Variants in RNF220 observed in about 807,000 individuals in gnomAD.
The protein encoded by RNF220 is E3 ubiquitin-protein ligase RNF220.
In RNF220, 7 loss-of-function variants were observed where a neutral mutation model predicts 67.1. The observed-to-expected ratio is 0.10, with a 90% CI of 0.06 to 0.20. The LOEUF (loss-of-function observed/expected upper bound fraction) is 0.20, where lower values mean the gene tolerates loss of function less well. RNF220 is among the 10% of genes least tolerant of loss of function. The probability of loss-of-function intolerance (pLI) is 1.00; values close to 1 mark genes in which losing one functional copy is unlikely to be tolerated. For missense variants in RNF220, 565 were observed against 740.3 expected (o/e 0.76, Z 2.75); for synonymous variants, 270 against 283.2 (o/e 0.95, Z 0.47).
chr1:44,536,524 G>A (rs1572807705), intron 2 of RNF220, among the ~76,000 whole-genome samples: 1 of 152,310 alleles, frequency 6.6e-6, no homozygotes, highest in South Asian at 2.1e-4. Context: ...TGTCCCCAGG[G>A]CCCTGGAACA....
At chr1:44,473,451 G>A (rs1187548428) in intron 2 of RNF220, among the ~76,000 whole-genome samples, 1 of 136,674 alleles carries the variant, frequency 7.3e-6, no homozygotes, top group Non-Finnish European at 1.5e-5. Flanking sequence ...AGTGTAGAAA[G>A]GTGGAACTTT....
chr1:44,535,478 C>T (rs1310885825), intron 2 of RNF220, among the ~76,000 whole-genome samples: 1 of 152,158 alleles, frequency 6.6e-6, no homozygotes, highest in African/African-American at 2.4e-5. Context: ...AGAACTCCCA[C>T]TGATGTTCCT....
intron 2 of RNF220, among the ~76,000 whole-genome samples, chr1:44,562,846 C>G (rs1204998831): frequency 6.6e-6 from 1 of 152,234 alleles, no homozygotes; most frequent in Non-Finnish European, 1.5e-5. Context: ...GAAGTGTCCT[C>G]TTCCATCCCC....
rs540354562 is a variant in RNF220 at position 44,557,246 on chromosome 1, C to T, written c.626-56919C>T. Among the ~76,000 whole-genome samples the T allele has an allele frequency of 9.4e-5, 14 of 148,394 alleles. No individual in the cohort carries two copies. The South Asian group carries it at 2.3e-3, about 25-fold the overall frequency. ...ATAGAAACTGTTTGTGTTGGCTGGG[C>T]GAGGTGACTCACACCTGTAATCCCA... On this transcript the variant is annotated intron_variant, in intron 2 of 14. Coordinates refer to ENST00000361799, the MANE Select transcript of RNF220 (RefSeq NM_018150.4).
intron 2 of RNF220, among the ~76,000 whole-genome samples, chr1:44,463,056 G>C (rs1653934963): frequency 6.6e-6 from 1 of 151,986 alleles, no homozygotes; most frequent in South Asian, 2.1e-4. Flanking sequence ...TACAAGAAAG[G>C]CCGGGCGCAG....
In RNF220 at chr1:44,579,988, C is replaced by T. The variant is rs1378096846; in HGVS notation, c.626-34177C>T. Among the ~76,000 whole-genome samples, 8 of 123,820 alleles carry T rather than the reference C, an allele frequency of 6.5e-5. No homozygotes were observed. In the East Asian group the frequency reaches 2.2e-3, roughly 34 times the overall value. 81.2% of individuals were successfully genotyped at this position (123,820 alleles called of 152,430 possible). ...GAGGTTGCAGTGAGCCATGTCATGC[C>T]ACTGCACTCCAGCCAGGGCAACAGA... On this transcript the variant is annotated intron_variant, in intron 2 of 14. Transcript: ENST00000361799.
intron 2 of RNF220, among the ~76,000 whole-genome samples, chr1:44,486,703 G>A (rs1227073404): frequency 6.6e-6 from 1 of 152,170 alleles, no homozygotes; most frequent in Non-Finnish European, 1.5e-5. Flanking sequence ...AGCCCACTTG[G>A]GAAGCCATGG....
At chr1:44,570,672 C>T (rs1046313769) in intron 2 of RNF220, among the ~76,000 whole-genome samples, 5 of 152,190 alleles carry the variant, frequency 3.3e-5, no homozygotes, top group African/African-American at 9.7e-5. Context: ...ACGCTCATGT[C>T]GCGATGCAGG....
intron 2 of RNF220, among the ~76,000 whole-genome samples, chr1:44,591,579 T>C (rs1666116659): frequency 6.6e-6 from 1 of 152,148 alleles, no homozygotes; most frequent in African/African-American, 2.4e-5. Flanking sequence ...CTTATTAGGG[T>C]GTGGTTAGAG....
chr1:44,498,054 C>A (rs1384295709), intron 2 of RNF220, among the ~76,000 whole-genome samples: 1 of 152,142 alleles, frequency 6.6e-6, no homozygotes, highest in Admixed American at 6.5e-5. Flanking sequence ...GGCCTGGCCC[C>A]GACCGAGCTC....
In RNF220 at chr1:44,527,369, AAAGG is replaced by A. The variant is rs111376771; in HGVS notation, c.626-86779_626-86776del. On this transcript the variant is annotated intron_variant, in intron 2 of 14. Transcript: ENST00000361799. ...GTCCTCTTTCACCAAAGGAAGGAGG[AAAGG>A]AAGGAAGGAAGGAAGGGAGGGAGGG... 6.8e-3 allele frequency among the ~76,000 whole-genome samples: 1,034 copies of A among 152,056 alleles called. 16 individuals carry two copies. Among genetic ancestry groups the A allele is most frequent in the African/African-American group, 0.023 (949 of 41,474 alleles).
chr1:44,432,822 T>G (rs1323859997), intron 2 of RNF220, among the ~76,000 whole-genome samples: 1 of 152,140 alleles, frequency 6.6e-6, no homozygotes, highest in East Asian at 1.9e-4. Context: ...ACAGAAATAT[T>G]TTGTTGGTAT....
At position 44,649,821 on chromosome 1, in the gene RNF220, G is replaced by A. The variant is rs1419864129; in HGVS notation, c.1554+52G>A. 1 of 1,613,068 alleles carries A rather than the reference G, an allele frequency of 6.2e-7. No individual in the cohort carries two copies. The highest frequency in any genetic ancestry group is 8.5e-7 in the Non-Finnish European group (1 of 1,179,116). Reference sequence around the variant, plus strand: ...CCTTGGTCAGGCTTCCACGCCCTCTGGGGGAGTTGGAGAGGGTGGGCCTAC... The same window carrying A: ...CCTTGGTCAGGCTTCCACGCCCTCTAGGGGAGTTGGAGAGGGTGGGCCTAC... On this transcript the variant is annotated intron_variant, in intron 13 of 14. Coordinates refer to ENST00000361799, the MANE Select transcript of RNF220 (RefSeq NM_018150.4). The surrounding 1 kb of genome is among the most constrained non-coding windows in gnomAD (Gnocchi z 5.9).
chr1:44,607,925 C>CT (rs56995665), intron 2 of RNF220, among the ~76,000 whole-genome samples: 113 of 141,860 alleles, frequency 8.0e-4, no homozygotes, highest in Middle Eastern at 7.1e-3. Flanking sequence ...GTTCTGTGTA[C>CT]TTTTTTTTTT....
At chr1:44,430,283 A>T (rs1650223279) in intron 2 of RNF220, among the ~76,000 whole-genome samples, 2 of 152,176 alleles carry the variant, frequency 1.3e-5, no homozygotes, top group Admixed American at 6.5e-5. Flanking sequence ...TTCTATAATT[A>T]AAAAATTTAG....
intron 3 of RNF220, among the ~76,000 whole-genome samples, chr1:44,618,270 CAT>C (rs1643644397): frequency 6.6e-6 from 1 of 152,192 alleles, no homozygotes; most frequent in Non-Finnish European, 1.5e-5. Flanking sequence ...CAGACGCAAA[CAT>C]ATACAGGACA....
intron 2 of RNF220, among the ~76,000 whole-genome samples, chr1:44,602,149 A>G (rs1184852501): frequency 1.3e-5 from 2 of 152,142 alleles, no homozygotes; most frequent in African/African-American, 4.8e-5. Flanking sequence ...GAAGTCAAGA[A>G]CAGGAAAAAA....
In RNF220 at chr1:44,412,746, C is replaced by T. The variant is rs1391927853; in HGVS notation, c.625+24C>T. 6.3e-7 allele frequency: 1 copy of T among 1,599,264 alleles called. No individual in the cohort carries two copies. The highest frequency in any genetic ancestry group is 1.7e-5 in the Admixed American group (1 of 59,074). On this transcript the variant is annotated intron_variant, in intron 2 of 14. Transcript: ENST00000361799. This position sits in a 1 kb window ranked among gnomAD's most constrained non-coding sequence, Gnocchi z 5.3. ...ATGTAAGTACTTTGGTTCCAGCCCT[C>T]CCTTACCCCCAGTAAGCCCTGCCTC... is the stretch of plus-strand genomic sequence containing the variant.
chr1:44,438,845 A>T (rs1651255042), intron 2 of RNF220, among the ~76,000 whole-genome samples: 2 of 152,262 alleles, frequency 1.3e-5, no homozygotes, highest in South Asian at 2.1e-4. Flanking sequence ...GTGTTTTGAT[A>T]TAAGTAGGGT....
Sources: allele counts gnomAD v4.1 joint callset (sites outside exome capture counted in the v4.1 genomes callset), GRCh38; gene constraint gnomAD v4.1.1; non-coding constraint Gnocchi (gnomAD v3.1); transcripts MANE v1.5; gene names NCBI Gene and HGNC (gene_info 2026-07-23, HGNC 2026-07-21).